Variants in TSPAN15 observed in about 807,000 individuals in gnomAD.
The protein encoded by TSPAN15 is tetraspanin-15.
TSPAN15 carries 20 observed loss-of-function variants against 34.5 expected under a neutral mutation model. The observed-to-expected ratio is 0.58, with a 90% CI of 0.41 to 0.84. The LOEUF is 0.84. TSPAN15 is among the 40% of genes least tolerant of loss of function. TSPAN15 has a pLI of 0.00. For synonymous variants in TSPAN15, 155 were observed against 153.9 expected, an observed-to-expected ratio of 1.01 and a Z score of -0.05; for missense variants, 313 against 386.1, an observed-to-expected ratio of 0.81 and a Z score of 1.59.
intron 1 of TSPAN15, among the ~76,000 whole-genome samples, chr10:69,470,767 C>G (rs986426685): frequency 1.3e-5 from 2 of 152,214 alleles, no homozygotes; most frequent in African/African-American, 4.8e-5. Flanking sequence ...GAGCACTTCT[C>G]TGCAAACTTT....
At chr10:69,455,606 T>C (rs1012909927) in intron 1 of TSPAN15, among the ~76,000 whole-genome samples, 3,612 of 110,156 alleles carry the variant, frequency 0.033, 134 homozygotes, top group Non-Finnish European at 0.044. Flanking sequence ...CTTTCTTTCT[T>C]TCTCTCTCTC....
chr10:69,520,001 G>A, the TSPAN15 span, among the ~76,000 whole-genome samples: 5 of 152,126 alleles, frequency 3.3e-5, no homozygotes, highest in East Asian at 9.6e-4. Flanking sequence ...CAAAGTGCTG[G>A]GATTATAGGC....
chr10:69,506,762 CGG>C lies in TSPAN15; in HGVS notation c.736-65_736-64del. The C allele has an allele frequency of 6.7e-7, 1 of 1,502,372 alleles. No homozygotes were observed. Among genetic ancestry groups the C allele is most frequent in the South Asian group, 1.2e-5 (1 of 82,270 alleles). 93.1% of individuals were successfully genotyped at this position (1,502,372 alleles called of 1,614,324 possible). On this transcript the variant is annotated intron_variant, in intron 7 of 7. Coordinates refer to ENST00000373290, the MANE Select transcript of TSPAN15 (RefSeq NM_012339.5). The surrounding 1 kb of genome is among the most constrained non-coding windows in gnomAD (Gnocchi z 4.7). ...ACTGGCTGCTTGGGTTTCTGGGAGCCGGGAGCTGCAGGGAGGGCTGCCCTGAT... is the reference window on the plus strand; with the variant it reads ...ACTGGCTGCTTGGGTTTCTGGGAGCCGAGCTGCAGGGAGGGCTGCCCTGAT...
chr10:69,508,584 G>A (rs1449590689), downstream of TSPAN15, among the ~76,000 whole-genome samples: 1 of 151,970 alleles, frequency 6.6e-6, no homozygotes, highest in Non-Finnish European at 1.5e-5. Context: ...GGTGCCAAAC[G>A]CATGTGTAAG....
intron 1 of TSPAN15, among the ~76,000 whole-genome samples, chr10:69,466,667 C>T (rs1326011931): frequency 6.6e-6 from 1 of 152,200 alleles, no homozygotes; most frequent in Non-Finnish European, 1.5e-5. Flanking sequence ...GTTTGGGAGA[C>T]ACTGGGAGTT....
intron 1 of TSPAN15, among the ~76,000 whole-genome samples, chr10:69,476,086 A>G (rs1349048549): frequency 1.3e-5 from 2 of 152,270 alleles, no homozygotes; most frequent in Non-Finnish European, 2.9e-5. Flanking sequence ...CGTCCAGTTC[A>G]GTTGATTTCC....
At chr10:69,460,295 A>G (rs1399288016) in intron 1 of TSPAN15, among the ~76,000 whole-genome samples, 2 of 152,110 alleles carry the variant, frequency 1.3e-5, no homozygotes, top group Non-Finnish European at 2.9e-5. Context: ...GGGGCCAGGC[A>G]GGCCGTCTGA....
chr10:69,493,674 G>A (rs1028352806), intron 3 of TSPAN15, among the ~76,000 whole-genome samples: 15 of 152,116 alleles, frequency 9.9e-5, no homozygotes, highest in Non-Finnish European at 1.5e-4. Context: ...GGGTTTCACC[G>A]AGTTAGCCAG....
the TSPAN15 span, among the ~76,000 whole-genome samples, chr10:69,536,153 C>T: frequency 3.3e-5 from 5 of 152,200 alleles, no homozygotes; most frequent in African/African-American, 1.2e-4. Flanking sequence ...ACTCAGTGAA[C>T]AGGTTCTATT....
intron 3 of TSPAN15, among the ~76,000 whole-genome samples, chr10:69,487,135 A>G (rs1173957196): frequency 2.0e-5 from 3 of 149,094 alleles, no homozygotes; most frequent in Non-Finnish European, 4.5e-5. Context: ...TTTGTGGCCA[A>G]CTAAACAGAC....
At chr10:69,479,109 G>A (rs976002032) in intron 1 of TSPAN15, among the ~76,000 whole-genome samples, 2 of 152,210 alleles carry the variant, frequency 1.3e-5, no homozygotes, top group Non-Finnish European at 2.9e-5. Flanking sequence ...CTGGCCCCTT[G>A]TGAGCCTATA....
chr10:69,521,232 A>G, the TSPAN15 span, among the ~76,000 whole-genome samples: 1 of 152,162 alleles, frequency 6.6e-6, no homozygotes, highest in Non-Finnish European at 1.5e-5. Flanking sequence ...AGAGGAGGCC[A>G]GGTGTGGTGG....
chr10:69,481,487 G>A (rs535164046), intron 1 of TSPAN15, among the ~76,000 whole-genome samples: 3 of 152,276 alleles, frequency 2.0e-5, no homozygotes, highest in Admixed American at 6.5e-5. Context: ...TCCCCGTCAC[G>A]CATCAAAGCT....
At chr10:69,455,626 C>A (rs867622773) in intron 1 of TSPAN15, among the ~76,000 whole-genome samples, 2 of 45,104 alleles carry the variant, frequency 4.4e-5, no homozygotes, top group Non-Finnish European at 1.1e-4. Flanking sequence ...CTCTCTCTCT[C>A]CCCCCCCCGT....
At position 69,455,524 on chromosome 10, in the gene TSPAN15, CTTTCTTTCTCTTTCTTTCTTTCT is replaced by C. The variant is rs1226716258; in HGVS notation, c.96+3836_96+3858del. 3.0e-4 allele frequency among the ~76,000 whole-genome samples: 45 copies of C among 147,652 alleles called. 2 individuals are homozygous for C. Among genetic ancestry groups the C allele is most frequent in the East Asian group, 6.0e-4 (3 of 5,036 alleles). ...TTGTTCCCAGTCTTTCTTTCCCTCT[CTTTCTTTCTCTTTCTTTCTTTCT>C]TCTCTCTCTCTCTTTCTTTCTTTCT... On this transcript the variant is annotated intron_variant, in intron 1 of 7. Coordinates refer to ENST00000373290, the MANE Select transcript of TSPAN15 (RefSeq NM_012339.5).
At chr10:69,475,201 C>T (rs372974891) in intron 1 of TSPAN15, among the ~76,000 whole-genome samples, 4 of 152,118 alleles carry the variant, frequency 2.6e-5, no homozygotes, top group South Asian at 4.1e-4. Flanking sequence ...TGTGGTTCTC[C>T]GATTAACCAT....
chr10:69,503,940 T>C (rs1842265268), intron 5 of TSPAN15, among the ~76,000 whole-genome samples: 1 of 152,132 alleles, frequency 6.6e-6, no homozygotes, highest in South Asian at 2.1e-4. Context: ...TTGGCAGCAC[T>C]CTCCGCTGGT....
chr10:69,528,061 C>T, the TSPAN15 span, among the ~76,000 whole-genome samples: 2 of 148,246 alleles, frequency 1.3e-5, no homozygotes, highest in African/African-American at 2.5e-5. Flanking sequence ...GCACTGCACT[C>T]ATGCTATCCG....
intron 1 of TSPAN15, among the ~76,000 whole-genome samples, chr10:69,476,137 G>C (rs760733599): frequency 6.6e-6 from 1 of 152,086 alleles, no homozygotes; most frequent in African/African-American, 2.4e-5. Flanking sequence ...GTGTATGGAA[G>C]ATTCGAGATC....
Sources: allele counts gnomAD v4.1 joint callset (sites outside exome capture counted in the v4.1 genomes callset), GRCh38; gene constraint gnomAD v4.1.1; non-coding constraint Gnocchi (gnomAD v3.1); transcripts MANE v1.5; gene names NCBI Gene and HGNC (gene_info 2026-07-23, HGNC 2026-07-21).